HYDIN: variants seen among roughly 807,000 people sequenced by gnomAD.
HYDIN encodes HYDIN axonemal central pair apparatus protein.
A neutral mutation model predicts 403.9 loss-of-function variants in HYDIN; 132 were observed. The ratio of observed to expected loss-of-function variants is 0.33; its 90% CI spans 0.28 to 0.38. The LOEUF is 0.38. Among genes scored for constraint, HYDIN ranks in the 10% least tolerant of loss-of-function variants. HYDIN has a pLI of 1.00. For synonymous variants in HYDIN, 1,202 were observed against 1,891.7 expected, an observed-to-expected ratio of 0.64 and a Z score of 9.46; for missense variants, 2,827 against 5,009.5, an observed-to-expected ratio of 0.56 and a Z score of 13.15.
rs1014962598 is a variant in HYDIN, at chr16:70,805,285, C to T, written c.*2295G>A. ...TCTCAGCTGCAATGTGCATGCAAATCGCCTGGAGGTCCATGAAAATGCAGA... is the reference window on the plus strand; with the variant it reads ...TCTCAGCTGCAATGTGCATGCAAATTGCCTGGAGGTCCATGAAAATGCAGA... On this transcript the variant is annotated 3_prime_UTR_variant, in exon 86 of 86. Transcript: ENST00000393567. Among the ~76,000 whole-genome samples the T allele has an allele frequency of 2.6e-5, 4 of 152,216 alleles. No homozygotes were observed. Among genetic ancestry groups the T allele is most frequent in the Non-Finnish European group, 5.9e-5 (4 of 68,038 alleles).
At chr16:71,219,252 C>A (rs1376387001) in intron 1 of HYDIN, among the ~76,000 whole-genome samples, 1 of 151,670 alleles carries the variant, frequency 6.6e-6, no homozygotes, top group Non-Finnish European at 1.5e-5. Context: ...GTTATTAGAG[C>A]AACTTTACAT....
rs1251896745 is a variant in HYDIN at position 70,892,498 on chromosome 16, G to A, written c.9280C>T (p.Pro3094Ser). The A allele has an allele frequency of 6.2e-7, 1 of 1,603,926 alleles. No homozygotes were observed. Among genetic ancestry groups the A allele is most frequent in the East Asian group, 2.2e-5 (1 of 44,810 alleles). ...FSVDSVGIST[P>S]NINSMISVQP... ...ACTGAGATCATGGAATTTATATTAGGTGTTGAAATCCCTACAGAGTCCACG... is the reference window on the plus strand; with the variant it reads ...ACTGAGATCATGGAATTTATATTAGATGTTGAAATCCCTACAGAGTCCACG... Residue 3094 changes from proline (P) to serine (S), a missense_variant, in exon 56 of 86, where the codon CCT becomes TCT. By Grantham distance (74) the Pro-to-Ser change is moderately conservative (BLOSUM62 -1). Coordinates refer to ENST00000393567, the MANE Select transcript of HYDIN (RefSeq NM_001270974.2).
At chr16:71,096,102 A>G (rs144322020) in intron 10 of HYDIN, among the ~76,000 whole-genome samples, 2 of 152,124 alleles carry the variant, frequency 1.3e-5, no homozygotes, top group Admixed American at 1.3e-4. Context: ...ACCTTTCATT[A>G]CAATTTGTAG....
chr16:71,134,098 G>A (rs1172089807), intron 8 of HYDIN, among the ~76,000 whole-genome samples: 4 of 151,908 alleles, frequency 2.6e-5, no homozygotes, highest in African/African-American at 7.3e-5. Flanking sequence ...TATTCCTGGG[G>A]CTGAAATTCC....
chr16:71,057,434 G>A (rs2081937084), intron 18 of HYDIN, among the ~76,000 whole-genome samples: 1 of 152,134 alleles, frequency 6.6e-6, no homozygotes, highest in South Asian at 2.1e-4. Flanking sequence ...CAACGTCTCT[G>A]GTGAGCTGTC....
chr16:71,024,802 G>T, intron 21 of HYDIN, among the ~76,000 whole-genome samples: 1 of 149,184 alleles, frequency 6.7e-6, no homozygotes, highest in Non-Finnish European at 1.5e-5. Context: ...CTTACGTAGA[G>T]CCATTTAAGT....
At chr16:71,220,669 A>G (rs757345237) in intron 1 of HYDIN, among the ~76,000 whole-genome samples, 11 of 152,220 alleles carry the variant, frequency 7.2e-5, no homozygotes, top group Non-Finnish European at 1.3e-4. Context: ...AAATGATTCA[A>G]TACAAAAATT....
intron 28 of HYDIN, among the ~76,000 whole-genome samples, chr16:70,982,640 A>AT (rs2079080995): frequency 6.9e-6 from 1 of 145,506 alleles, no homozygotes; most frequent in East Asian, 2.0e-4. Flanking sequence ...TTTTCTTTTC[A>AT]TTTTACCTAA....
chr16:71,130,939 A>C, intron 8 of HYDIN, among the ~76,000 whole-genome samples: 1 of 136,160 alleles, frequency 7.3e-6, no homozygotes. Context: ...GCTTTCCCCA[A>C]TCCACTCATT....
intron 18 of HYDIN, among the ~76,000 whole-genome samples, chr16:71,042,102 T>C (rs2081303439): frequency 6.6e-6 from 1 of 150,964 alleles, no homozygotes; most frequent in Non-Finnish European, 1.5e-5. Flanking sequence ...TTTGCATACG[T>C]TGTTTCTTAC....
intron 58 of HYDIN, among the ~76,000 whole-genome samples, chr16:70,884,677 T>C (rs900311417): frequency 7.0e-6 from 1 of 142,048 alleles, no homozygotes; most frequent in Non-Finnish European, 1.5e-5. Context: ...ATGGAATTAG[T>C]GCTAAAACAA....
At chr16:70,925,190 T>C (rs981220853) in intron 45 of HYDIN, among the ~76,000 whole-genome samples, 7 of 152,082 alleles carry the variant, frequency 4.6e-5, no homozygotes, top group African/African-American at 1.7e-4. Flanking sequence ...ATCTTGCCCT[T>C]GATAAAAACC....
chr16:70,888,118 T>TA (rs2041252260), intron 58 of HYDIN, among the ~76,000 whole-genome samples: 1 of 152,398 alleles, frequency 6.6e-6, no homozygotes, highest in Admixed American at 6.5e-5. Context: ...TGCTGAGACA[T>TA]ACTATTTTAA....
intron 3 of HYDIN, among the ~76,000 whole-genome samples, chr16:71,183,015 A>G (rs930717224): frequency 6.6e-6 from 1 of 152,212 alleles, no homozygotes; most frequent in African/African-American, 2.4e-5. Context: ...ACATGGAAGC[A>G]ATATGTTCTG....
chr16:70,842,441 T>C (rs1406211394), intron 75 of HYDIN, among the ~76,000 whole-genome samples: 1 of 151,874 alleles, frequency 6.6e-6, no homozygotes, highest in East Asian at 1.9e-4. Context: ...AATATCTTTA[T>C]CTCTAGGAAT....
intron 1 of HYDIN, among the ~76,000 whole-genome samples, chr16:71,192,814 C>G (rs576007681): frequency 2.0e-5 from 3 of 152,102 alleles, no homozygotes; most frequent in Non-Finnish European, 4.4e-5. Context: ...CTGTACAGGG[C>G]CTCATACATA....
intron 13 of HYDIN, among the ~76,000 whole-genome samples, chr16:71,077,487 T>C (rs1457127357): frequency 2.0e-5 from 3 of 152,210 alleles, no homozygotes; most frequent in Non-Finnish European, 4.4e-5. Context: ...TTAGTTCTAA[T>C]GCCTTGTCAG....
chr16:71,108,825 G>A (rs1016042034), intron 10 of HYDIN, among the ~76,000 whole-genome samples: 3 of 150,690 alleles, frequency 2.0e-5, no homozygotes, highest in African/African-American at 7.3e-5. Flanking sequence ...GGAGACCCTG[G>A]GGTAGGGGGA....
At chr16:71,011,156 A>G (rs1473559810) in intron 23 of HYDIN, among the ~76,000 whole-genome samples, 1 of 152,138 alleles carries the variant, frequency 6.6e-6, no homozygotes, top group Non-Finnish European at 1.5e-5. Context: ...CATTTGGTAC[A>G]AAGGAAGAGA....
Sources: gnomAD v4.1 joint callset for allele counts (sites outside exome capture counted in the v4.1 genomes callset) on GRCh38, gnomAD v4.1.1 for gene constraint, MANE v1.5 for transcripts, NCBI Gene and HGNC (gene_info 2026-07-23, HGNC 2026-07-21) for gene names.